The following NBEAL1 variants were observed in gnomAD, a reference collection of about 807,000 sequenced individuals.
NBEAL1 encodes neurobeachin-like protein 1.
A neutral mutation model predicts 351.3 loss-of-function variants in NBEAL1; 273 were observed. The observed-to-expected ratio is 0.78, with a 90% confidence interval of 0.70 to 0.86. The LOEUF (loss-of-function observed/expected upper bound fraction) is 0.86. Ranked by LOEUF, NBEAL1 falls within the 40% of genes least tolerant of loss-of-function variation. NBEAL1 has a pLI of 0.00. For missense variants in NBEAL1, 2,961 were observed against 3,201.3 expected, an observed-to-expected ratio of 0.92 and a Z score of 1.81; for synonymous variants, 1,050 against 1,086.4, an observed-to-expected ratio of 0.97 and a Z score of 0.66.
chr2:203,186,788 T>C (rs570704688), intron 44 of NBEAL1, among the ~76,000 whole-genome samples: 19 of 152,338 alleles, frequency 1.2e-4, no homozygotes, highest in African/African-American at 3.8e-4. Flanking sequence ...ATAGGTTTCT[T>C]ATGTGTCAGC....
intron 46 of NBEAL1, among the ~76,000 whole-genome samples, chr2:203,193,220 C>T (rs1277181187): frequency 2.0e-5 from 3 of 152,068 alleles, no homozygotes; most frequent in Non-Finnish European, 4.4e-5. Context: ...GATCCGCCCA[C>T]CTCAGCCTCC....
chr2:203,059,173 T>C (rs550335411), intron 6 of NBEAL1, among the ~76,000 whole-genome samples: 16 of 152,228 alleles, frequency 1.1e-4, no homozygotes, highest in Non-Finnish European at 2.2e-4. Flanking sequence ...AGAACATTTA[T>C]ATATACTATG....
At chr2:203,158,868 G>A (rs1466721128) in intron 36 of NBEAL1, among the ~76,000 whole-genome samples, 5 of 120,718 alleles carry the variant, frequency 4.1e-5, no homozygotes, top group Non-Finnish European at 6.3e-5. Flanking sequence ...CACCTCAACT[G>A]GAGTGCAGTG....
At chr2:203,130,543 A>G (rs1575014916) in intron 25 of NBEAL1, 67 bp downstream of exon 25, 1 of 1,059,698 alleles carries the variant, frequency 9.4e-7, no homozygotes, top group Admixed American at 4.2e-5. Flanking sequence ...TTCTTGCAAT[A>G]TATCCATTCT....
Position 203,107,416 on chromosome 2 carries a change from C to G in NBEAL1, c.1270-4C>G. 1 of 1,485,614 alleles carries G rather than the reference C, an allele frequency of 6.7e-7. No homozygotes were observed. The highest frequency in any genetic ancestry group is 9.2e-7 in the Non-Finnish European group (1 of 1,089,576). 92.0% of individuals were successfully genotyped at this position (1,485,614 alleles called of 1,614,324 possible). A position where few individuals can be genotyped will look rare whatever the true frequency, so the allele number is the denominator to read the frequency against. Reference sequence around the variant, plus strand: ...CTTTGATATATTGTCTTCCCATCCCCTAGGAAGTATTTAAAGAAAGAATTG... The same window carrying G: ...CTTTGATATATTGTCTTCCCATCCCGTAGGAAGTATTTAAAGAAAGAATTG... On this transcript the variant is annotated splice_polypyrimidine_tract_variant and splice_region_variant and intron_variant, in intron 12 of 55. Transcript: ENST00000683969.
chr2:203,073,696 C>T (rs747872909), intron 7 of NBEAL1, among the ~76,000 whole-genome samples: 1 of 152,064 alleles, frequency 6.6e-6, no homozygotes, highest in Non-Finnish European at 1.5e-5. Flanking sequence ...CTTTTGATTT[C>T]ATTGATTTTC....
At chr2:203,088,385 A>G (rs571052552) in intron 10 of NBEAL1, among the ~76,000 whole-genome samples, 1 of 152,300 alleles carries the variant, frequency 6.6e-6, no homozygotes, top group South Asian at 2.1e-4. Flanking sequence ...GGAAGTACCC[A>G]GTACAGCAAA....
chr2:203,168,856 T>G (rs1202753168), intron 38 of NBEAL1, among the ~76,000 whole-genome samples: 1 of 131,086 alleles, frequency 7.6e-6, no homozygotes, highest in African/African-American at 2.9e-5. Context: ...ATCACGCCAG[T>G]GCACTCTAGC....
Position 203,222,926 on chromosome 2 carries a change from T to A in NBEAL1, c.*5572T>A, listed in dbSNP as rs969593977. Among the ~76,000 whole-genome samples the A allele has an allele frequency of 6.6e-6, 1 of 152,226 alleles. No individual in the cohort carries two copies. The highest frequency in any genetic ancestry group is 1.5e-5 in the Non-Finnish European group (1 of 68,026). On this transcript the variant is annotated 3_prime_UTR_variant, in exon 56 of 56. Coordinates refer to ENST00000683969, the MANE Select transcript of NBEAL1 (RefSeq NM_001378026.1). ...GAAGAACGCATTAACATTTAAGATG[T>A]TTAATTCCAAATAGGAAATAATTCA...
At chr2:203,207,336 G>C (rs1347200016) in intron 51 of NBEAL1, among the ~76,000 whole-genome samples, 1 of 151,970 alleles carries the variant, frequency 6.6e-6, no homozygotes, top group Non-Finnish European at 1.5e-5. Context: ...GGGAGGTGAG[G>C]GGCGCCTCTG....
rs1323213250 is a variant in NBEAL1 at position 203,172,851 on chromosome 2, A to G, written c.6321A>G (p.Glu2107=). The G allele has an allele frequency of 6.2e-7, 1 of 1,603,592 alleles. No homozygotes were observed. Among genetic ancestry groups the G allele is most frequent in the South Asian group, 1.1e-5 (1 of 88,342 alleles). Residue 2107 remains glutamate (E), a splice_region_variant and synonymous_variant, in exon 41 of 56, where the codon GAA becomes GAG. Transcript: ENST00000683969. The part of the protein sequence containing the change: ...VNEKNAKAMR[E]KYENFEDPMG... ...AAAAAAACGCCAAAGCTATGAGAGAAAAGTAAGTGCTTCTTATTCCTTTTA... is the reference window on the plus strand; with the variant it reads ...AAAAAAACGCCAAAGCTATGAGAGAGAAGTAAGTGCTTCTTATTCCTTTTA...
At chr2:203,187,915 A>AT (rs1171498553) in intron 44 of NBEAL1, among the ~76,000 whole-genome samples, 1 of 151,976 alleles carries the variant, frequency 6.6e-6, no homozygotes, top group East Asian at 1.9e-4. Context: ...CATGAGTCCC[A>AT]TTTTTTCCTG....
intron 33 of NBEAL1, among the ~76,000 whole-genome samples, chr2:203,147,083 A>T (rs1392682514): frequency 2.0e-5 from 3 of 152,198 alleles, no homozygotes; most frequent in Non-Finnish European, 4.4e-5. Flanking sequence ...AAACCTGAGT[A>T]CTTTTCTCTA....
At chr2:203,050,728 A>G (rs902585872) in intron 4 of NBEAL1, among the ~76,000 whole-genome samples, 1 of 152,228 alleles carries the variant, frequency 6.6e-6, no homozygotes, top group Non-Finnish European at 1.5e-5. Flanking sequence ...AGTAGAATAT[A>G]GAGCTTGAGC....
rs2065956941 is a variant in NBEAL1 at position 203,221,804 on chromosome 2, G to C, written c.*4450G>C. ...TTCCTGTATTTATCAGAGTCATGTGGTATTTTTCTTGATGACCTTAGGCAA... is the reference window on the plus strand; with the variant it reads ...TTCCTGTATTTATCAGAGTCATGTGCTATTTTTCTTGATGACCTTAGGCAA... On this transcript the variant is annotated 3_prime_UTR_variant, in exon 56 of 56. Transcript: ENST00000683969. 6.6e-6 allele frequency among the ~76,000 whole-genome samples: 1 copy of C among 152,146 alleles called. No homozygotes were observed. The highest frequency in any genetic ancestry group is 1.5e-5 in the Non-Finnish European group (1 of 68,026).
At position 203,193,911 on chromosome 2, in the gene NBEAL1, G is replaced by A; in HGVS notation, c.7038G>A (p.Glu2346=). The change falls in exon 47 of 56, where the codon GAG becomes GAA. Residue 2346 remains glutamate, a splice_region_variant and synonymous_variant. Transcript: ENST00000683969. ...HLPELKSFFI[E]GISDGIPLLK... The stretch of plus-strand genomic sequence containing the variant: ...CTGAACTCAAGTCATTTTTTATAGA[G>A]GTAATATCCTACTTGGTAATATCAA... 6.6e-7 allele frequency: 1 copy of A among 1,523,266 alleles called. No individual in the cohort carries two copies. The highest frequency in any genetic ancestry group is 2.3e-5 in the East Asian group (1 of 43,934). The allele number at this position is 1,523,266 out of a possible 1,614,324, so 94.4% of individuals were successfully genotyped here.
At chr2:203,038,203 TG>T (rs1265572183) in intron 2 of NBEAL1, among the ~76,000 whole-genome samples, 2 of 149,316 alleles carry the variant, frequency 1.3e-5, no homozygotes, top group African/African-American at 2.4e-5. Flanking sequence ...TAAACATTTT[TG>T]TACAAGTGTT....
chr2:203,190,743 C>T, intron 46 of NBEAL1: 3 of 1,606,006 alleles, frequency 1.9e-6, no homozygotes, highest in African/African-American at 2.7e-5. Context: ...TTCGGTCGTC[C>T]CGAATCCGGG....
chr2:203,103,842 C>T (rs1051233606), intron 12 of NBEAL1, among the ~76,000 whole-genome samples: 1 of 152,120 alleles, frequency 6.6e-6, no homozygotes, highest in Non-Finnish European at 1.5e-5. Context: ...TTTATTTCTG[C>T]TCTAATTTTA....
Sources: allele counts gnomAD v4.1 joint callset (sites outside exome capture counted in the v4.1 genomes callset), GRCh38; gene constraint gnomAD v4.1.1; transcripts MANE v1.5; gene names NCBI Gene and HGNC (gene_info 2026-07-23, HGNC 2026-07-21).